The following TNFRSF21 variants were observed in gnomAD, a reference collection of about 807,000 sequenced individuals.
TNFRSF21 encodes the protein TNF receptor superfamily member 21.
Under a neutral mutation model 45.6 loss-of-function variants are expected in TNFRSF21, and 19 were observed. The observed-to-expected ratio is 0.42, with a 90% CI of 0.29 to 0.61. The LOEUF (loss-of-function observed/expected upper bound fraction) is 0.61. TNFRSF21 is among the 20% of genes least tolerant of loss of function. The pLI, the probability that TNFRSF21 is intolerant of heterozygous loss-of-function variation, is 0.23. For synonymous variants in TNFRSF21, 314 were observed against 335.5 expected (o/e 0.94, Z 0.70); for missense variants, 737 against 851.5 (o/e 0.87, Z 1.67).
intron 1 of TNFRSF21, among the ~76,000 whole-genome samples, chr6:47,297,960 T>C (rs1199558790): frequency 6.6e-6 from 1 of 151,928 alleles, no homozygotes; most frequent in Admixed American, 6.6e-5. Flanking sequence ...AAACAAAAAA[T>C]ACAGACTGCA....
chr6:47,276,529 T>C (rs1459377871), intron 3 of TNFRSF21, among the ~76,000 whole-genome samples: 2 of 152,208 alleles, frequency 1.3e-5, no homozygotes, highest in African/African-American at 4.8e-5. Flanking sequence ...ATGACAAGTC[T>C]ATGGCATAGA....
chr6:47,301,124 T>A (rs2113870516), intron 1 of TNFRSF21, among the ~76,000 whole-genome samples: 1 of 152,366 alleles, frequency 6.6e-6, no homozygotes, highest in African/African-American at 2.4e-5. Flanking sequence ...AACTCATCTA[T>A]CCTTCAGTTG....
rs1383225872 is a variant in TNFRSF21, at chr6:47,253,335, T to A, written c.1430A>T (p.Gln477Leu). ...GTGCTGGCGCAGGGCGCTAATTAGC[T>A]GGGCGAGGCTGGCCTCGGGGCCCCG... ...TIRGPEASLA[Q>L]LISALRQHRR... The change falls in exon 4 of 6, where the codon CAG becomes CTG. Residue 477 changes from glutamine to leucine, a missense_variant. By Grantham distance (113) the Gln-to-Leu change is moderately radical (BLOSUM62 -2). Transcript: ENST00000296861. The A allele has an allele frequency of 1.9e-6, 3 of 1,613,988 alleles. No homozygotes were observed. Among genetic ancestry groups the A allele is most frequent in the Non-Finnish European group, 2.5e-6 (3 of 1,179,976 alleles).
At chr6:47,285,758 G>A (rs1300838917) in intron 2 of TNFRSF21, among the ~76,000 whole-genome samples, 186 bp downstream of exon 2, 2 of 152,110 alleles carry the variant, frequency 1.3e-5, no homozygotes, top group East Asian at 3.8e-4. Context: ...GAAAAATTCT[G>A]AGTCTACATG....
intron 3 of TNFRSF21, 98 bp downstream of exon 3, chr6:47,283,840 A>G: frequency 6.7e-7 from 1 of 1,482,752 alleles, no homozygotes; most frequent in South Asian, 1.4e-5. Context: ...TACAAAGGAG[A>G]TTCCACAAAC....
intron 3 of TNFRSF21, among the ~76,000 whole-genome samples, chr6:47,266,334 T>C (rs1424859199): frequency 6.6e-6 from 1 of 152,148 alleles, no homozygotes; most frequent in Non-Finnish European, 1.5e-5. Flanking sequence ...TTGTTGGGAT[T>C]CATAAGAACT....
Position 47,232,896 on chromosome 6 carries a change from G to A in TNFRSF21, c.1837C>T (p.Arg613Trp), listed in dbSNP as rs1290931937. ...GCCTGGGGAATCTCTTCAATCACCC[G>A]CAGCTCCTCAGGATTTAGAAAGTGG... ...MLHFLNPEEL[R>W]VIEEIPQAED... is the part of the protein sequence containing the mutation. The change falls in exon 6 of 6, where the codon CGG becomes TGG. Residue 613 changes from arginine (R) to tryptophan (W), a missense_variant. Coordinates refer to ENST00000296861, the MANE Select transcript of TNFRSF21 (RefSeq NM_014452.5). 15 of 1,614,012 alleles carry A rather than the reference G, an allele frequency of 9.3e-6. No individual in the cohort carries two copies. Among genetic ancestry groups the A allele is most frequent in the Middle Eastern group, 1.6e-4 (1 of 6,062 alleles).
chr6:47,293,572 G>A (rs1259901784), intron 1 of TNFRSF21, among the ~76,000 whole-genome samples: 3 of 152,272 alleles, frequency 2.0e-5, no homozygotes, highest in South Asian at 2.1e-4. Flanking sequence ...CACCTGCACA[G>A]GGCAGTCAAA....
rs536334690 is a variant in TNFRSF21, at chr6:47,283,485, C to T, written c.1243+453G>A. On this transcript the variant is annotated intron_variant, in intron 3 of 5. Coordinates refer to ENST00000296861, the MANE Select transcript of TNFRSF21 (RefSeq NM_014452.5). The stretch of plus-strand genomic sequence containing the variant: ...CTGACTGAAAATGGCAAACTTATGA[C>T]AAGTTGGGTTTTGTCCCCTTCATTT... Among the ~76,000 whole-genome samples, 24 of 152,268 alleles carry T rather than the reference C, an allele frequency of 1.6e-4. 1 individual carries two copies. In the South Asian group the frequency reaches 5.0e-3, roughly 32 times the overall value.
At chr6:47,253,109 TGTGTGTGTGTGCAGGCGTATGC>T in intron 4 of TNFRSF21, 125 bp downstream of exon 4, 2 of 959,924 alleles carry the variant, frequency 2.1e-6, no homozygotes, top group African/African-American at 1.7e-5. Context: ...GTAGGGTGTG[TGTGTGTGTGTGCAGGCGTATGC>T]GTGTGTGTGT....
chr6:47,290,299 C>T (rs932949679), intron 1 of TNFRSF21, among the ~76,000 whole-genome samples: 6 of 152,116 alleles, frequency 3.9e-5, no homozygotes, highest in African/African-American at 1.4e-4. Flanking sequence ...AGCCTCCCTA[C>T]CTGTGTGGGA....
rs913267299 is a variant in TNFRSF21 at position 47,253,495 on chromosome 6, C to A, written c.1270G>T (p.Ala424Ser). 6.8e-6 allele frequency: 11 copies of A among 1,612,708 alleles called. No homozygotes were observed. The Admixed American group carries it at 1.2e-4, about 17-fold the overall frequency. ...HGIDILKLVA[A>S]QVGSQWKDIY... ...TCTTTCCACTGGCTTCCCACTTGGG[C>A]TGCTACAAGCTTCAGGATATCGATA... Residue 424 changes from alanine to serine, a missense_variant, in exon 4 of 6, where the codon GCC becomes TCC. By Grantham distance (99) the Ala-to-Ser change is moderately conservative. Coordinates refer to ENST00000296861, the MANE Select transcript of TNFRSF21 (RefSeq NM_014452.5).
intron 4 of TNFRSF21, among the ~76,000 whole-genome samples, chr6:47,241,559 A>G (rs1473668797): frequency 1.3e-5 from 2 of 152,200 alleles, no homozygotes; most frequent in African/African-American, 4.8e-5. Flanking sequence ...AAGGATTATC[A>G]GTTATAAGAA....
At chr6:47,256,782 CA>C (rs1160537928) in intron 3 of TNFRSF21, among the ~76,000 whole-genome samples, 1 of 152,154 alleles carries the variant, frequency 6.6e-6, no homozygotes, top group Non-Finnish European at 1.5e-5. Flanking sequence ...TAGACTCTTC[CA>C]AACACCAAAA....
intron 3 of TNFRSF21, among the ~76,000 whole-genome samples, chr6:47,278,814 T>G (rs1289850129): frequency 6.6e-6 from 1 of 152,222 alleles, no homozygotes; most frequent in Admixed American, 6.5e-5. Context: ...CTGCCCCAAC[T>G]GATTTCGTAA....
intron 3 of TNFRSF21, among the ~76,000 whole-genome samples, chr6:47,273,652 T>A (rs1178408722): frequency 6.6e-6 from 1 of 152,154 alleles, no homozygotes; most frequent in Non-Finnish European, 1.5e-5. Context: ...AAGTTGGAAG[T>A]TCTGGCCAGG....
chr6:47,285,896 C>T (rs751106520), intron 2 of TNFRSF21, 48 bp downstream of exon 2: 1 of 1,582,810 alleles, frequency 6.3e-7, no homozygotes, highest in South Asian at 1.2e-5. Context: ...GGTACCTCCA[C>T]TGGGCTCAAA....
intron 3 of TNFRSF21, among the ~76,000 whole-genome samples, chr6:47,253,961 A>C (rs1037099125): frequency 2.6e-5 from 4 of 152,148 alleles, no homozygotes; most frequent in African/African-American, 9.7e-5. Flanking sequence ...TTCCTTCTTC[A>C]CAATGTATGG....
At chr6:47,266,306 A>T (rs191759975) in intron 3 of TNFRSF21, among the ~76,000 whole-genome samples, 114 of 151,762 alleles carry the variant, frequency 7.5e-4, no homozygotes, top group Non-Finnish European at 4.4e-5. Flanking sequence ...GGAAGGAAAC[A>T]TTTTTTTTCT....
Sources: gnomAD v4.1 joint callset for allele counts (sites outside exome capture counted in the v4.1 genomes callset) on GRCh38, gnomAD v4.1.1 for gene constraint, MANE v1.5 for transcripts, NCBI Gene and HGNC (gene_info 2026-07-23, HGNC 2026-07-21) for gene names.